The following MCTP1 variants were observed in gnomAD, a reference collection of about 807,000 sequenced individuals.
MCTP1 encodes multiple C2 and transmembrane domain-containing protein 1.
MCTP1 carries 69 observed loss-of-function variants against 120.6 expected under a neutral mutation model. The observed-to-expected ratio is 0.57, with a 90% CI of 0.47 to 0.70. The LOEUF (loss-of-function observed/expected upper bound fraction) is 0.70. MCTP1 is among the 30% of genes least tolerant of loss of function. The pLI is 0.00. For missense variants in MCTP1, 1,203 were observed against 1,248.8 expected, an observed-to-expected ratio of 0.96 and a Z score of 0.55; for synonymous variants, 529 against 493.1, an observed-to-expected ratio of 1.07 and a Z score of -0.96.
chr5:94,907,377 A>T (rs1046728649), intron 10 of MCTP1, among the ~76,000 whole-genome samples: 1 of 152,156 alleles, frequency 6.6e-6, no homozygotes, highest in Admixed American at 6.5e-5. Context: ...AAACCAGTAT[A>T]AACCACTACT....
At chr5:94,845,452 C>T (rs937054021) in intron 17 of MCTP1, among the ~76,000 whole-genome samples, 10 of 152,154 alleles carry the variant, frequency 6.6e-5, no homozygotes, top group Admixed American at 3.9e-4. Flanking sequence ...ATGGGAGCTA[C>T]AATTTAAGAT....
chr5:94,909,898 G>A (rs1398776113), intron 9 of MCTP1, among the ~76,000 whole-genome samples: 1 of 151,952 alleles, frequency 6.6e-6, no homozygotes, highest in African/African-American at 2.4e-5. Flanking sequence ...TAGCTTTTGG[G>A]TAGTCAGGCA....
chr5:95,107,004 T>G (rs1297092583), intron 1 of MCTP1, among the ~76,000 whole-genome samples: 1 of 152,198 alleles, frequency 6.6e-6, no homozygotes, highest in Non-Finnish European at 1.5e-5. Flanking sequence ...TAGAGCACAA[T>G]AATAAATACT....
chr5:95,138,219 T>C (rs1759593957), intron 1 of MCTP1, among the ~76,000 whole-genome samples: 1 of 151,274 alleles, frequency 6.6e-6, no homozygotes, highest in South Asian at 2.1e-4. Flanking sequence ...TCATAGACTT[T>C]CCTGTGAGAT....
intron 1 of MCTP1, among the ~76,000 whole-genome samples, chr5:95,041,476 G>A (rs1030558165): frequency 1.1e-4 from 16 of 152,114 alleles, no homozygotes; most frequent in South Asian, 2.1e-4. Flanking sequence ...TACTTTAAAC[G>A]TTTAATATCA....
chr5:94,778,873 A>AC (rs1398855991), intron 19 of MCTP1, among the ~76,000 whole-genome samples: 1 of 152,078 alleles, frequency 6.6e-6, no homozygotes, highest in Admixed American at 6.6e-5. Flanking sequence ...AAGCTGAATT[A>AC]TTTTTTTGTT....
At chr5:95,008,792 T>C (rs1293622660) in intron 2 of MCTP1, among the ~76,000 whole-genome samples, 1 of 152,056 alleles carries the variant, frequency 6.6e-6, no homozygotes, top group Non-Finnish European at 1.5e-5. Context: ...GGTAAGGCCA[T>C]ACAAAGATGG....
intron 17 of MCTP1, among the ~76,000 whole-genome samples, chr5:94,811,110 CT>C (rs1322947117): frequency 6.6e-6 from 1 of 152,198 alleles, no homozygotes; most frequent in Non-Finnish European, 1.5e-5. Flanking sequence ...TTTAGCAGCT[CT>C]AGCTATGTCT....
chr5:94,854,556 A>G (rs1410143067), intron 17 of MCTP1, among the ~76,000 whole-genome samples: 2 of 151,886 alleles, frequency 1.3e-5, no homozygotes, highest in African/African-American at 4.8e-5. Context: ...GATCAACTAT[A>G]ACACTGTAAA....
At chr5:94,905,920 G>A (rs1806763986) in intron 10 of MCTP1, among the ~76,000 whole-genome samples, 1 of 152,104 alleles carries the variant, frequency 6.6e-6, no homozygotes, top group African/African-American at 2.4e-5. Flanking sequence ...AACATGAGGG[G>A]ATGAGGAAAA....
At chr5:94,931,186 A>G (rs1814568089) in intron 6 of MCTP1, 1 of 152,146 alleles carries the variant, frequency 6.6e-6, no homozygotes, top group Admixed American at 6.6e-5. Context: ...TCAGAATGGA[A>G]GGAAAAAGAC....
chr5:94,962,148 A>G (rs1045695504), intron 2 of MCTP1, among the ~76,000 whole-genome samples: 1 of 152,050 alleles, frequency 6.6e-6, no homozygotes, highest in African/African-American at 2.4e-5. Context: ...AAAGAAATAG[A>G]TGTTGGTGTG....
intron 2 of MCTP1, among the ~76,000 whole-genome samples, chr5:94,980,062 C>T (rs1829058963): frequency 6.6e-6 from 1 of 151,980 alleles, no homozygotes; most frequent in South Asian, 2.1e-4. Flanking sequence ...AATAATGATG[C>T]TTTATAAGAA....
intron 1 of MCTP1, among the ~76,000 whole-genome samples, chr5:95,051,651 T>C (rs1450222208): frequency 1.3e-5 from 2 of 152,170 alleles, no homozygotes; most frequent in African/African-American, 4.8e-5. Context: ...ATAAAATATA[T>C]ATTTGAGATA....
At chr5:94,868,536 A>T (rs1797243883) in intron 16 of MCTP1, 84 bp from the exon 17 acceptor site, 3 of 988,002 alleles carry the variant, frequency 3.0e-6, no homozygotes, top group Non-Finnish European at 4.1e-6. Flanking sequence ...GCTTATTGTG[A>T]CTTAAAAAGG....
chr5:95,036,707 T>C (rs986148898), intron 1 of MCTP1, among the ~76,000 whole-genome samples: 1 of 152,204 alleles, frequency 6.6e-6, no homozygotes, highest in African/African-American at 2.4e-5. Flanking sequence ...ATTAATTAGG[T>C]ATCTTTAAAA....
chr5:95,042,405 T>C (rs1246284600), intron 1 of MCTP1, among the ~76,000 whole-genome samples: 2 of 152,142 alleles, frequency 1.3e-5, no homozygotes, highest in East Asian at 1.9e-4. Context: ...CAGAAAGTTA[T>C]TGTCTTTTTG....
chr5:95,047,879 T>C (rs999980863), intron 1 of MCTP1, among the ~76,000 whole-genome samples: 3 of 152,150 alleles, frequency 2.0e-5, no homozygotes, highest in African/African-American at 7.2e-5. Context: ...TATTCAAACA[T>C]GGATTAAGAG....
intron 11 of MCTP1, 76 bp from the exon 12 acceptor site, chr5:94,889,048 AT>A: frequency 1.0e-6 from 1 of 963,360 alleles, no homozygotes; most frequent in Non-Finnish European, 1.6e-6. Context: ...AAAACATTAC[AT>A]TTTTTAGTTT....
Sources: gnomAD v4.1 joint callset for allele counts (sites outside exome capture counted in the v4.1 genomes callset) on GRCh38, gnomAD v4.1.1 for gene constraint, MANE v1.5 for transcripts, NCBI Gene and HGNC (gene_info 2026-07-23, HGNC 2026-07-21) for gene names.